Variants in ROBO1 observed in about 807,000 individuals in gnomAD.
The protein encoded by ROBO1 is roundabout guidance receptor 1, also known as roundabout homolog 1.
A neutral mutation model predicts 195.9 loss-of-function variants in ROBO1; 149 were observed. The observed-to-expected ratio is 0.76, with a 90% CI of 0.67 to 0.87. The LOEUF (loss-of-function observed/expected upper bound fraction) is 0.87. Ranked by LOEUF, ROBO1 falls within the 40% of genes least tolerant of loss-of-function variation. The pLI is 0.00. For synonymous variants in ROBO1, 816 were observed against 733.2 expected (o/e 1.11, Z -1.82); for missense variants, 1,933 against 2,068.3 (o/e 0.93, Z 1.27).
At chr3:79,499,219 TC>T (rs1939922179) in intron 2 of ROBO1, among the ~76,000 whole-genome samples, 1 of 152,152 alleles carries the variant, frequency 6.6e-6, no homozygotes, top group Admixed American at 6.5e-5. Flanking sequence ...GGTCTCGAAC[TC>T]CCGACCTCAG....
At chr3:79,195,106 T>G (rs2108764429) in intron 2 of ROBO1, among the ~76,000 whole-genome samples, 1 of 151,668 alleles carries the variant, frequency 6.6e-6, no homozygotes, top group East Asian at 1.9e-4. Flanking sequence ...GCTTTGGGTT[T>G]AAGTTCCTGG....
At chr3:79,048,579 T>G (rs9838107) in intron 3 of ROBO1, among the ~76,000 whole-genome samples, 148,953 of 152,224 alleles carry the variant, frequency 0.98, 72,974 homozygotes, top group Middle Eastern at 1. Context: ...CTGCCATTAT[T>G]TCAAATCCTT....
At chr3:79,213,281 C>T (rs1576823464) in intron 2 of ROBO1, among the ~76,000 whole-genome samples, 2 of 151,856 alleles carry the variant, frequency 1.3e-5, no homozygotes, top group South Asian at 4.1e-4. Flanking sequence ...TAAAGCTCAC[C>T]AAGTTAGATC....
At chr3:79,471,015 G>A (rs1938243180) in intron 2 of ROBO1, among the ~76,000 whole-genome samples, 4 of 152,084 alleles carry the variant, frequency 2.6e-5, no homozygotes. Context: ...TCAGCAGCCA[G>A]TTGATTTTCA....
chr3:79,628,212 T>C (rs921325621), intron 1 of ROBO1, among the ~76,000 whole-genome samples: 3 of 152,090 alleles, frequency 2.0e-5, no homozygotes, highest in Non-Finnish European at 4.4e-5. Context: ...TTATTTACAA[T>C]AGCAAAGACT....
chr3:78,880,882 C>T (rs1203956629), intron 4 of ROBO1, among the ~76,000 whole-genome samples: 2 of 152,166 alleles, frequency 1.3e-5, no homozygotes, highest in Non-Finnish European at 2.9e-5. Flanking sequence ...ATTGGGTCTA[C>T]ACAATTTCTC....
intron 2 of ROBO1, among the ~76,000 whole-genome samples, chr3:79,463,189 C>T (rs976604384): frequency 1.3e-5 from 2 of 151,856 alleles, no homozygotes; most frequent in Non-Finnish European, 2.9e-5. Flanking sequence ...CTGGCTAACA[C>T]GGTGAAACCC....
chr3:79,181,428 C>T (rs150752734), intron 2 of ROBO1, among the ~76,000 whole-genome samples: 6 of 152,256 alleles, frequency 3.9e-5, no homozygotes, highest in East Asian at 1.9e-4. Context: ...GAGACTTGTA[C>T]AGTCTATATA....
At chr3:79,470,899 T>C (rs1360153465) in intron 2 of ROBO1, among the ~76,000 whole-genome samples, 4 of 152,164 alleles carry the variant, frequency 2.6e-5, no homozygotes, top group Non-Finnish European at 4.4e-5. Flanking sequence ...AACAGATTAA[T>C]ACAGTAAATA....
intron 4 of ROBO1, among the ~76,000 whole-genome samples, chr3:78,819,428 T>C: frequency 6.8e-6 from 1 of 146,880 alleles, no homozygotes; most frequent in South Asian, 2.2e-4. Flanking sequence ...GAATATGGAA[T>C]ACGTGTCCAT....
rs1275068783 is a variant in ROBO1 at position 79,189,618 on chromosome 3, C to T, written c.89-64079G>A. 2.0e-5 allele frequency among the ~76,000 whole-genome samples: 3 copies of T among 151,676 alleles called. No individual in the cohort carries two copies. The Admixed American group carries it at 2.0e-4, about 10-fold the overall frequency. ...AAGAAAATATATTAGGCCAATAAAT[C>T]TGTACTTTTGGTGTAAAAATATTAT... On this transcript the variant is annotated intron_variant, in intron 2 of 30. Coordinates refer to ENST00000464233, the MANE Select transcript of ROBO1 (RefSeq NM_002941.4).
chr3:79,077,790 C>T (rs1467912985), intron 3 of ROBO1, among the ~76,000 whole-genome samples: 1 of 151,812 alleles, frequency 6.6e-6, no homozygotes, highest in Admixed American at 6.6e-5. Context: ...AAAAGACATG[C>T]CAAATGCTGA....
At chr3:79,745,801 A>G (rs1324434189) in intron 1 of ROBO1, among the ~76,000 whole-genome samples, 2 of 152,154 alleles carry the variant, frequency 1.3e-5, no homozygotes. Flanking sequence ...TAATAAAACT[A>G]TATATGTATA....
chr3:79,569,623 C>T (rs889401309), intron 2 of ROBO1, among the ~76,000 whole-genome samples: 6 of 148,870 alleles, frequency 4.0e-5, no homozygotes, highest in African/African-American at 1.2e-4. Context: ...ACCAATGCAC[C>T]GGAATGATTA....
chr3:79,733,962 T>A (rs1703266045), intron 1 of ROBO1, among the ~76,000 whole-genome samples: 1 of 151,778 alleles, frequency 6.6e-6, no homozygotes, highest in Non-Finnish European at 1.5e-5. Flanking sequence ...CTTTTTTTTT[T>A]TTTTTTGACA....
At chr3:78,930,591 C>G (rs328048) in intron 4 of ROBO1, among the ~76,000 whole-genome samples, 53,631 of 152,098 alleles carry the variant, frequency 0.35, 11,006 homozygotes, top group South Asian at 0.47. Context: ...ACTTCCAATT[C>G]CATTTGCAGT....
intron 3 of ROBO1, among the ~76,000 whole-genome samples, chr3:78,939,977 A>G (rs928404323): frequency 6.6e-6 from 1 of 152,102 alleles, no homozygotes; most frequent in Non-Finnish European, 1.5e-5. Flanking sequence ...TTCCAATGAG[A>G]TTATAACTCA....
chr3:79,640,530 C>T (rs1945628189), intron 1 of ROBO1, among the ~76,000 whole-genome samples: 1 of 152,070 alleles, frequency 6.6e-6, no homozygotes, highest in Non-Finnish European at 1.5e-5. Context: ...TTACTTATAA[C>T]CGACTTCAGT....
At chr3:79,409,916 TC>T (rs2037697881) in intron 2 of ROBO1, among the ~76,000 whole-genome samples, 1 of 152,158 alleles carries the variant, frequency 6.6e-6, no homozygotes, top group Non-Finnish European at 1.5e-5. Flanking sequence ...CAATTTTTTT[TC>T]CAAGCATTAT....
Sources: gnomAD v4.1 joint callset for allele counts (sites outside exome capture counted in the v4.1 genomes callset) on GRCh38, gnomAD v4.1.1 for gene constraint, MANE v1.5 for transcripts, NCBI Gene and HGNC (gene_info 2026-07-23, HGNC 2026-07-21) for gene names.